Variants in JMJD1C observed in about 807,000 individuals in gnomAD.
The protein encoded by JMJD1C is jumonji domain-containing protein 1C.
JMJD1C carries 31 observed loss-of-function variants against 245.3 expected under a neutral mutation model. The ratio of observed to expected loss-of-function variants is 0.13; its 90% CI spans 0.09 to 0.17. The LOEUF (loss-of-function observed/expected upper bound fraction) is 0.17, where lower values mean the gene tolerates loss of function less well. JMJD1C is among the 10% of genes least tolerant of loss of function. The probability of loss-of-function intolerance (pLI) is 1.00; values close to 1 mark genes in which losing one functional copy is unlikely to be tolerated. For missense variants in JMJD1C, 2,691 were observed against 3,000.2 expected (o/e 0.90, Z 2.41); for synonymous variants, 1,057 against 1,017.4 (o/e 1.04, Z -0.74).
intron 2 of JMJD1C, among the ~76,000 whole-genome samples, chr10:63,366,443 G>A (rs1054759955): frequency 1.1e-4 from 17 of 152,112 alleles, no homozygotes; most frequent in African/African-American, 3.9e-4. Context: ...ACAAACTATA[G>A]CCATGAATAT....
intron 2 of JMJD1C, among the ~76,000 whole-genome samples, chr10:63,278,512 G>A (rs1165948183): frequency 1.3e-5 from 2 of 151,032 alleles, no homozygotes; most frequent in Non-Finnish European, 2.9e-5. Context: ...CGACAGACGA[G>A]ACTCCATCTC....
intron 2 of JMJD1C, among the ~76,000 whole-genome samples, chr10:63,329,779 A>T (rs1418426348): frequency 1.3e-5 from 2 of 152,250 alleles, no homozygotes; most frequent in Non-Finnish European, 2.9e-5. Context: ...GGTTAGCAGC[A>T]GTAAGCCACA....
chr10:63,294,331 C>A, intron 2 of JMJD1C, among the ~76,000 whole-genome samples: 1 of 150,792 alleles, frequency 6.6e-6, no homozygotes, highest in Non-Finnish European at 1.5e-5. Context: ...TGTTGCCAAG[C>A]TGAAGTGCAG....
chr10:63,390,997 G>A (rs893899618), intron 1 of JMJD1C, among the ~76,000 whole-genome samples: 1 of 152,142 alleles, frequency 6.6e-6, no homozygotes, highest in Non-Finnish European at 1.5e-5. Context: ...CCTAGCCAGA[G>A]CAATCAGGCA....
chr10:63,282,807 C>G (rs985296998), intron 2 of JMJD1C, among the ~76,000 whole-genome samples: 1 of 152,174 alleles, frequency 6.6e-6, no homozygotes, highest in African/African-American at 2.4e-5. Context: ...ACCGCCGCCT[C>G]CCGGGTTCAA....
chr10:63,297,799 G>A (rs1167532398), intron 2 of JMJD1C, among the ~76,000 whole-genome samples: 2 of 152,170 alleles, frequency 1.3e-5, no homozygotes, highest in African/African-American at 4.8e-5. Flanking sequence ...ACACAAATGG[G>A]CTGAAACTGC....
chr10:63,463,294 T>C lies in JMJD1C; in HGVS notation c.168+2201A>G, dbSNP rs1952927611. On this transcript the variant is annotated intron_variant, in intron 1 of 25. Coordinates refer to ENST00000399262, the MANE Select transcript of JMJD1C (RefSeq NM_032776.3). ...GATCCTCCCACCTCAGCCGCCCCAG[T>C]AGATGGAACCACAGGCATTGTACTA... Among the ~76,000 whole-genome samples the C allele has an allele frequency of 2.6e-5, 4 of 151,606 alleles. No individual in the cohort carries two copies. In the South Asian group the frequency reaches 6.2e-4, roughly 24 times the overall value.
intron 2 of JMJD1C, among the ~76,000 whole-genome samples, chr10:63,290,970 G>A (rs1858606095): frequency 6.6e-6 from 1 of 152,122 alleles, no homozygotes; most frequent in Non-Finnish European, 1.5e-5. Context: ...TATTTAGTAA[G>A]AAAAATCTGA....
chr10:63,430,215 T>A (rs890273282), intron 1 of JMJD1C, among the ~76,000 whole-genome samples: 1 of 152,162 alleles, frequency 6.6e-6, no homozygotes, highest in Admixed American at 6.5e-5. Context: ...GAGACCAATA[T>A]GTAAGACCCA....
chr10:63,192,938 CT>C lies in JMJD1C; in HGVS notation c.6075del (p.Glu2026LysfsTer45), dbSNP rs1226801045. 11 of 1,607,340 alleles carry C rather than the reference CT, an allele frequency of 6.8e-6. No individual in the cohort carries two copies. The highest frequency in any genetic ancestry group is 9.4e-6 in the Non-Finnish European group (11 of 1,174,178). ...TGCCTAGATAATCAATTATGTTTAC[CT>C]TTTTTTTCCTCTCTGGCTTTTTGCT... ...LAEQKAREEK[K>X]ENKELTLENQ... On this transcript the variant is annotated frameshift_variant and splice_region_variant, in exon 16 of 26. Coordinates refer to ENST00000399262, the MANE Select transcript of JMJD1C (RefSeq NM_032776.3). LOFTEE classifies it high-confidence loss of function.
At position 63,426,487 on chromosome 10, in the gene JMJD1C, A is replaced by G. The variant is rs1467006091; in HGVS notation, c.168+39008T>C. ...GGAGTTTGAGACTAGCCTGACCAACATGGTGAAACCCCGTCTCTACTGAAA... is the reference window on the plus strand; with the variant it reads ...GGAGTTTGAGACTAGCCTGACCAACGTGGTGAAACCCCGTCTCTACTGAAA... On this transcript the variant is annotated intron_variant, in intron 1 of 25. Coordinates refer to ENST00000399262, the MANE Select transcript of JMJD1C (RefSeq NM_032776.3). Among the ~76,000 whole-genome samples the G allele has an allele frequency of 3.9e-5, 6 of 152,226 alleles. No individual in the cohort carries two copies. In the East Asian group the frequency reaches 1.2e-3, roughly 29 times the overall value.
At chr10:63,297,015 A>G (rs1859511300) in intron 2 of JMJD1C, among the ~76,000 whole-genome samples, 1 of 152,208 alleles carries the variant, frequency 6.6e-6, no homozygotes, top group African/African-American at 2.4e-5. Context: ...CACCACTTTG[A>G]AAGTTTCTCA....
intron 3 of JMJD1C, among the ~76,000 whole-genome samples, chr10:63,260,139 G>A (rs909872436): frequency 6.6e-6 from 1 of 152,164 alleles, no homozygotes; most frequent in East Asian, 1.9e-4. Context: ...TTAATATACT[G>A]TAAGATAAAC....
chr10:63,456,240 G>A (rs188549821), intron 1 of JMJD1C, among the ~76,000 whole-genome samples: 2 of 152,054 alleles, frequency 1.3e-5, no homozygotes, highest in African/African-American at 4.8e-5. Flanking sequence ...CAGTGGAAAC[G>A]CTCTAAAATA....
rs1950508431 is a variant in JMJD1C, at chr10:63,427,431, T to C, written c.168+38064A>G. The C allele has an allele frequency of 3.5e-6, 4 of 1,139,528 alleles. No individual in the cohort carries two copies. In the Admixed American group the frequency reaches 5.4e-5, roughly 15 times the overall value. The allele number at this position is 1,139,528 out of a possible 1,614,324, so 70.6% of individuals were successfully genotyped here. The stretch of plus-strand genomic sequence containing the variant: ...AAGACACAGTACACCGGGAGGTGAC[T>C]GCTGACCAGAAACTGCTGTCCCAGC... On this transcript the variant is annotated intron_variant, in intron 1 of 25. Coordinates refer to ENST00000399262, the MANE Select transcript of JMJD1C (RefSeq NM_032776.3).
intron 2 of JMJD1C, among the ~76,000 whole-genome samples, chr10:63,274,569 A>C (rs1856610013): frequency 6.6e-6 from 1 of 152,162 alleles, no homozygotes; most frequent in African/African-American, 2.4e-5. Flanking sequence ...AGTCTCAAAA[A>C]AAAAAACAAA....
At chr10:63,380,873 C>T (rs1947159046) in intron 1 of JMJD1C, among the ~76,000 whole-genome samples, 1 of 152,154 alleles carries the variant, frequency 6.6e-6, no homozygotes. Context: ...TTCCTCAAAA[C>T]ACTATAAGTA....
intron 1 of JMJD1C, chr10:63,427,541 A>C: frequency 7.2e-7 from 1 of 1,388,378 alleles, no homozygotes; most frequent in Non-Finnish European, 1.0e-6. Flanking sequence ...TACATCCTGG[A>C]GGACTCTATT....
At chr10:63,416,771 G>C (rs1182002659) in intron 1 of JMJD1C, among the ~76,000 whole-genome samples, 1 of 152,052 alleles carries the variant, frequency 6.6e-6, no homozygotes, top group Admixed American at 6.6e-5. Context: ...TTTTAAAAAT[G>C]CTTACAAAAT....
Sources: gnomAD v4.1 joint callset for allele counts (sites outside exome capture counted in the v4.1 genomes callset) on GRCh38, gnomAD v4.1.1 for gene constraint, MANE v1.5 for transcripts, NCBI Gene and HGNC (gene_info 2026-07-23, HGNC 2026-07-21) for gene names.